Variants in COBLL1 observed in about 807,000 individuals in gnomAD.
COBLL1 encodes the protein cordon-bleu WH2 repeat protein like 1.
In COBLL1, 50 loss-of-function variants were observed where a neutral mutation model predicts 94.8. The ratio of observed to expected loss-of-function variants is 0.53; its 90% CI spans 0.42 to 0.67. The LOEUF (loss-of-function observed/expected upper bound fraction) is 0.67. COBLL1 is among the 30% of genes least tolerant of loss of function. The pLI, the probability that COBLL1 is intolerant of heterozygous loss-of-function variation, is 0.00. For synonymous variants in COBLL1, 448 were observed against 473.8 expected (o/e 0.95, Z 0.71); for missense variants, 1,362 against 1,348.7 (o/e 1.01, Z -0.15).
At chr2:164,746,307 G>A (rs563066207) in intron 2 of COBLL1, among the ~76,000 whole-genome samples, 1 of 152,204 alleles carries the variant, frequency 6.6e-6, no homozygotes, top group East Asian at 1.9e-4. Flanking sequence ...TAAAATACAA[G>A]TTAGAAGACT....
chr2:164,710,235 A>G (rs1314204375), intron 7 of COBLL1, among the ~76,000 whole-genome samples: 2 of 152,222 alleles, frequency 1.3e-5, no homozygotes, highest in East Asian at 1.9e-4. Context: ...GATGTTCTAC[A>G]TCTACTAAAA....
intron 7 of COBLL1, among the ~76,000 whole-genome samples, chr2:164,721,198 G>A (rs1685425512): frequency 1.3e-5 from 2 of 152,078 alleles, no homozygotes; most frequent in South Asian, 2.1e-4. Context: ...CCCCAAGGGG[G>A]AAACAAAATC....
rs6414069 is a variant in COBLL1, at chr2:164,722,071, A to G, written c.996+4T>C. 0.59 allele frequency: 913,483 copies of G among 1,559,868 alleles called. 272,526 individuals carry two copies. Among genetic ancestry groups the G allele is most frequent in the African/African-American group, 0.85 (61,483 of 72,540 alleles). On this transcript the variant is annotated splice_donor_region_variant and intron_variant, in intron 7 of 13. Coordinates refer to ENST00000652658, the MANE Select transcript of COBLL1 (RefSeq NM_001365672.2). ...AAAACAAAATAGAAAACAAAACTAC[A>G]CACCTTATCTGTCTCATCCACGCTC...
At chr2:164,808,110 G>A (rs188614489) in intron 2 of COBLL1, among the ~76,000 whole-genome samples, 60 of 152,206 alleles carry the variant, frequency 3.9e-4, no homozygotes, top group South Asian at 1.5e-3. Context: ...ATGATCCACC[G>A]TGCCTGGCCT....
At chr2:164,752,146 G>C (rs1687158394) in intron 2 of COBLL1, among the ~76,000 whole-genome samples, 1 of 152,168 alleles carries the variant, frequency 6.6e-6, no homozygotes, top group Admixed American at 6.5e-5. Flanking sequence ...TTTCTATCCA[G>C]TATCAACAGC....
chr2:164,791,981 C>T (rs1004705316), intron 2 of COBLL1, among the ~76,000 whole-genome samples: 4 of 151,556 alleles, frequency 2.6e-5, no homozygotes, highest in Non-Finnish European at 4.4e-5. Context: ...CAGATAAGTG[C>T]TCAATTATTT....
chr2:164,722,739 G>A, intron 5 of COBLL1: 1 of 277,308 alleles, frequency 3.6e-6, no homozygotes, highest in South Asian at 1.2e-4. Flanking sequence ...AAAAAACTAA[G>A]ATACATAATC....
At chr2:164,729,860 T>C in intron 4 of COBLL1, 54 bp downstream of exon 4, 1 of 1,409,256 alleles carries the variant, frequency 7.1e-7, no homozygotes, top group East Asian at 2.3e-5. Context: ...TCACTTACAA[T>C]GAGCTGCTGA....
intron 2 of COBLL1, among the ~76,000 whole-genome samples, chr2:164,806,593 T>C (rs1232119704): frequency 6.6e-6 from 1 of 152,216 alleles, no homozygotes; most frequent in Non-Finnish European, 1.5e-5. Flanking sequence ...CGCTTGTTTC[T>C]ATAAATGACC....
At chr2:164,665,993 T>C (rs992177684) in intron 1 of COBLL1, 11 of 152,208 alleles carry the variant, frequency 7.2e-5, no homozygotes, top group African/African-American at 2.7e-4. Flanking sequence ...ATAGCTAGAA[T>C]AATATTGAAT....
At chr2:164,822,084 T>C (rs948862431) in intron 2 of COBLL1, among the ~76,000 whole-genome samples, 1 of 152,202 alleles carries the variant, frequency 6.6e-6, no homozygotes, top group Non-Finnish European at 1.5e-5. Flanking sequence ...GCCTAGGTAA[T>C]AGATAAGTAA....
chr2:164,733,090 T>G lies in COBLL1; in HGVS notation c.231-2975A>C, dbSNP rs780950127. On this transcript the variant is annotated intron_variant, in intron 3 of 13. Coordinates refer to ENST00000652658, the MANE Select transcript of COBLL1 (RefSeq NM_001365672.2). Reference sequence around the variant, plus strand: ...ACAAAACAAAACACAAAACAAAAAATTATTAAAGTTTTGTTTGGTTTTTAT... The same window carrying G: ...ACAAAACAAAACACAAAACAAAAAAGTATTAAAGTTTTGTTTGGTTTTTAT... Among the ~76,000 whole-genome samples the G allele has an allele frequency of 1.9e-3, 282 of 152,204 alleles. 1 individual carries two copies. Among genetic ancestry groups the G allele is most frequent in the Non-Finnish European group, 3.2e-3 (215 of 67,982 alleles).
chr2:164,808,428 C>T (rs1047224955), intron 2 of COBLL1, among the ~76,000 whole-genome samples: 5 of 152,156 alleles, frequency 3.3e-5, no homozygotes, highest in African/African-American at 1.2e-4. Context: ...TTTTCATCAT[C>T]AGTGCTTACC....
chr2:164,747,788 T>C (rs1686941798), intron 2 of COBLL1, among the ~76,000 whole-genome samples: 1 of 152,152 alleles, frequency 6.6e-6, no homozygotes. Flanking sequence ...TACATTAGAC[T>C]TCTAGGAAAA....
chr2:164,673,918 C>A (rs1452584092), intron 1 of COBLL1, among the ~76,000 whole-genome samples: 1 of 152,112 alleles, frequency 6.6e-6, no homozygotes. Context: ...AAGAATGAAG[C>A]TGGCTATTGT....
intron 2 of COBLL1, among the ~76,000 whole-genome samples, chr2:164,818,231 T>C (rs1445965322): frequency 1.3e-5 from 2 of 149,710 alleles, no homozygotes; most frequent in Non-Finnish European, 3.0e-5. Flanking sequence ...TATATACATA[T>C]GCATGTATGT....
intron 2 of COBLL1, among the ~76,000 whole-genome samples, chr2:164,770,309 G>GA (rs1018453694): frequency 4.8e-4 from 68 of 142,330 alleles, no homozygotes; most frequent in East Asian, 2.0e-3. Flanking sequence ...GAAACAAAAA[G>GA]AAAAAAAAAA....
intron 2 of COBLL1, among the ~76,000 whole-genome samples, chr2:164,835,783 T>C (rs970002035): frequency 6.6e-6 from 1 of 152,220 alleles, no homozygotes; most frequent in African/African-American, 2.4e-5. Flanking sequence ...ATAGACATAA[T>C]GTTTTAAGCC....
chr2:164,729,314 T>A (rs1421137958), intron 4 of COBLL1, among the ~76,000 whole-genome samples: 1 of 151,760 alleles, frequency 6.6e-6, no homozygotes, highest in African/African-American at 2.4e-5. Context: ...ATGAGAGTAT[T>A]TCTTGAAACC....
Sources: gnomAD v4.1 joint callset for allele counts (sites outside exome capture counted in the v4.1 genomes callset) on GRCh38, gnomAD v4.1.1 for gene constraint, MANE v1.5 for transcripts, NCBI Gene and HGNC (gene_info 2026-07-23, HGNC 2026-07-21) for gene names.